Variants in JPT1 observed in about 807,000 individuals in gnomAD.
JPT1 encodes the protein Jupiter microtubule associated homolog 1, also known as androgen-regulated protein 2.
JPT1 carries 5 observed loss-of-function variants against 17.0 expected under a neutral mutation model. The observed-to-expected ratio is 0.29, with a 90% CI of 0.15 to 0.62. JPT1 has a LOEUF of 0.62. JPT1 is among the 20% of genes least tolerant of loss of function. JPT1 has a pLI of 0.85. For synonymous variants in JPT1, 71 were observed against 73.6 expected, an observed-to-expected ratio of 0.96 and a Z score of 0.18; for missense variants, 158 against 188.1, an observed-to-expected ratio of 0.84 and a Z score of 0.94.
At chr17:75,152,518 A>G (rs1016151502) in intron 1 of JPT1, among the ~76,000 whole-genome samples, 2 of 152,202 alleles carry the variant, frequency 1.3e-5, no homozygotes, top group African/African-American at 4.8e-5. Context: ...ATAATATTGG[A>G]GGGAAATTGA....
chr17:75,136,089 A>G lies in JPT1; in HGVS notation c.*13T>C, dbSNP rs1157608065. On this transcript the variant is annotated 3_prime_UTR_variant, in exon 5 of 5. Coordinates refer to ENST00000409753, the MANE Select transcript of JPT1 (RefSeq NM_016185.4). ...GGAAACAGACAGAACGACAGCGTTC[A>G]GGACAGTCAGAGCTAACCCAAGACG... is the stretch of plus-strand genomic sequence containing the variant. 6.2e-7 allele frequency: 1 copy of G among 1,614,262 alleles called. No homozygotes were observed. Among genetic ancestry groups the G allele is most frequent in the Admixed American group, 1.7e-5 (1 of 60,034 alleles).
intron 4 of JPT1, chr17:75,142,859 T>A (rs556619693): frequency 9.4e-4 from 421 of 448,736 alleles, no homozygotes; most frequent in Non-Finnish European, 1.3e-3. Flanking sequence ...TCCTGTGATA[T>A]TATGATATAC....
intron 1 of JPT1, among the ~76,000 whole-genome samples, chr17:75,151,226 C>A (rs1032166574): frequency 1.3e-5 from 2 of 151,960 alleles, no homozygotes; most frequent in Non-Finnish European, 2.9e-5. Context: ...CCAGCTACTC[C>A]GGAGGCTGAG....
intron 1 of JPT1, 34 bp downstream of exon 1, chr17:75,154,308 C>T (rs1598213274): frequency 2.0e-6 from 3 of 1,527,588 alleles, no homozygotes; most frequent in Non-Finnish European, 2.6e-6. Flanking sequence ...GCCCCTCAGC[C>T]CCGCGCGGCT....
chr17:75,142,082 CTG>C (rs781704288), intron 4 of JPT1, among the ~76,000 whole-genome samples: 10 of 151,936 alleles, frequency 6.6e-5, no homozygotes, highest in Non-Finnish European at 1.3e-4. Context: ...AAAACAAAAA[CTG>C]TGAAGGGGAC....
intron 1 of JPT1, chr17:75,153,723 G>C (rs1016950415): frequency 1.3e-5 from 2 of 152,356 alleles, no homozygotes; most frequent in Admixed American, 6.6e-5. Flanking sequence ...GTCCTCAATG[G>C]GGGGTGAAGG....
chr17:75,148,774 C>T, intron 1 of JPT1, 103 bp from the exon 2 acceptor site: 1 of 1,309,570 alleles, frequency 7.6e-7, no homozygotes, highest in Non-Finnish European at 1.1e-6. Flanking sequence ...CCATTCATCT[C>T]CCTCACCCCT....
chr17:75,149,849 TCACTTACA>T (rs959924643), intron 1 of JPT1, among the ~76,000 whole-genome samples: 38 of 99,966 alleles, frequency 3.8e-4, no homozygotes, highest in African/African-American at 1.2e-3. Flanking sequence ...CCATCTCTAA[TCACTTACA>T]CACTTACACA....
At chr17:75,143,955 T>C (rs568297561) in intron 4 of JPT1, among the ~76,000 whole-genome samples, 11 of 151,978 alleles carry the variant, frequency 7.2e-5, no homozygotes, top group Non-Finnish European at 1.5e-4. Flanking sequence ...TCCAGGAGGT[T>C]GAGGCTATAG....
chr17:75,143,701 T>C (rs1476666447), intron 4 of JPT1, among the ~76,000 whole-genome samples: 2 of 152,046 alleles, frequency 1.3e-5, no homozygotes, highest in East Asian at 3.9e-4. Flanking sequence ...CTGGGCATGG[T>C]GGTGCATGCC....
intron 4 of JPT1, among the ~76,000 whole-genome samples, chr17:75,139,288 C>T (rs2145162286): frequency 6.6e-6 from 1 of 152,278 alleles, no homozygotes; most frequent in East Asian, 1.9e-4. Context: ...CTCTCTGAAT[C>T]CAGCAGTTAA....
At chr17:75,152,383 A>C (rs1459712423) in intron 1 of JPT1, among the ~76,000 whole-genome samples, 1 of 152,224 alleles carries the variant, frequency 6.6e-6, no homozygotes, top group Non-Finnish European at 1.5e-5. Flanking sequence ...CTAAATTTAT[A>C]ACGAGTTTAT....
At chr17:75,144,234 G>A (rs1009323365) in intron 4 of JPT1, among the ~76,000 whole-genome samples, 2 of 151,914 alleles carry the variant, frequency 1.3e-5, no homozygotes, top group Non-Finnish European at 2.9e-5. Flanking sequence ...AATATCCTTC[G>A]TAACAACCCA....
At chr17:75,144,132 C>A (rs1175465384) in intron 4 of JPT1, among the ~76,000 whole-genome samples, 1 of 152,106 alleles carries the variant, frequency 6.6e-6, no homozygotes, top group African/African-American at 2.4e-5. Context: ...TGGCACACCC[C>A]AACTCCAAGG....
At chr17:75,147,528 C>T (rs1273368757) in intron 3 of JPT1, 28 bp downstream of exon 3, 10 of 1,503,728 alleles carry the variant, frequency 6.7e-6, no homozygotes, top group African/African-American at 1.4e-5. Flanking sequence ...ACCTGAAAGC[C>T]TTTCTGGCCT....
At chr17:75,142,587 G>A in intron 4 of JPT1, among the ~76,000 whole-genome samples, 1 of 56,158 alleles carries the variant, frequency 1.8e-5, no homozygotes, top group Non-Finnish European at 3.6e-5. Flanking sequence ...GAGGGAGGGA[G>A]AGGGAGGGAG....
intron 4 of JPT1, among the ~76,000 whole-genome samples, chr17:75,140,532 A>C (rs998211415): frequency 3.3e-5 from 5 of 152,190 alleles, no homozygotes; most frequent in Non-Finnish European, 7.3e-5. Context: ...CTCAAGATGG[A>C]AACTCCAAAG....
intron 1 of JPT1, among the ~76,000 whole-genome samples, chr17:75,150,027 A>G (rs565602508): frequency 6.6e-6 from 1 of 152,352 alleles, no homozygotes; most frequent in East Asian, 1.9e-4. Flanking sequence ...GGGCAAAGTC[A>G]GTATGAGCAA....
At chr17:75,154,000 G>C (rs1425545570) in intron 1 of JPT1, 1 of 170,798 alleles carries the variant, frequency 5.9e-6, no homozygotes, top group East Asian at 1.7e-4. Flanking sequence ...CCACCCTGGG[G>C]ATGCACCAGC....
Sources: allele counts gnomAD v4.1 joint callset (sites outside exome capture counted in the v4.1 genomes callset), GRCh38; gene constraint gnomAD v4.1.1; transcripts MANE v1.5; gene names NCBI Gene and HGNC (gene_info 2026-07-23, HGNC 2026-07-21).